HS6ST3: variants seen among roughly 807,000 people sequenced by gnomAD.
HS6ST3 encodes the protein heparan sulfate 6-O-sulfotransferase 3.
HS6ST3 carries 12 observed loss-of-function variants against 36.7 expected under a neutral mutation model. The ratio of observed to expected loss-of-function variants is 0.33; its 90% confidence interval spans 0.21 to 0.53. HS6ST3 has a LOEUF of 0.53. HS6ST3 is among the 20% of genes least tolerant of loss of function. HS6ST3 has a pLI of 0.95. For missense variants in HS6ST3, 584 were observed against 640.9 expected, an observed-to-expected ratio of 0.91 and a Z score of 0.96; for synonymous variants, 240 against 257.5, an observed-to-expected ratio of 0.93 and a Z score of 0.65.
chr13:96,697,154 A>T (rs1042296650), intron 1 of HS6ST3, among the ~76,000 whole-genome samples: 36 of 151,942 alleles, frequency 2.4e-4, no homozygotes, highest in African/African-American at 8.4e-4. Flanking sequence ...TTTTATATAT[A>T]TATATAAAAT....
chr13:96,416,843 C>T (rs1395198030), intron 1 of HS6ST3, among the ~76,000 whole-genome samples: 1 of 151,404 alleles, frequency 6.6e-6, no homozygotes, highest in East Asian at 2.0e-4. Context: ...AGCTCTGCCT[C>T]TCGGGTTCAC....
At chr13:96,515,091 C>T (rs542507798) in intron 1 of HS6ST3, among the ~76,000 whole-genome samples, 2 of 152,330 alleles carry the variant, frequency 1.3e-5, no homozygotes, top group Admixed American at 1.3e-4. Context: ...AAGTAGGAGA[C>T]TTGCAGTTGA....
At chr13:96,774,649 A>C (rs1877344916) in intron 1 of HS6ST3, among the ~76,000 whole-genome samples, 1 of 152,144 alleles carries the variant, frequency 6.6e-6, no homozygotes. Flanking sequence ...ATGAAAAGGA[A>C]TGAACAAAGC....
intron 1 of HS6ST3, among the ~76,000 whole-genome samples, chr13:96,634,575 A>G (rs1185806793): frequency 1.3e-5 from 2 of 152,164 alleles, no homozygotes; most frequent in African/African-American, 4.8e-5. Flanking sequence ...GTATTTGAAG[A>G]CTTGCTTATT....
At chr13:96,565,389 T>C (rs1256603664) in intron 1 of HS6ST3, among the ~76,000 whole-genome samples, 1 of 151,870 alleles carries the variant, frequency 6.6e-6, no homozygotes, top group East Asian at 1.9e-4. Flanking sequence ...CCAAAATAGG[T>C]AGGGTAAAGA....
chr13:96,505,267 C>T (rs936819979), intron 1 of HS6ST3, among the ~76,000 whole-genome samples: 1 of 152,136 alleles, frequency 6.6e-6, no homozygotes, highest in African/African-American at 2.4e-5. Context: ...AACAGGCAGT[C>T]TTCCACTAAA....
chr13:96,469,222 G>A (rs1173666912), intron 1 of HS6ST3, among the ~76,000 whole-genome samples: 1 of 151,908 alleles, frequency 6.6e-6, no homozygotes, highest in Non-Finnish European at 1.5e-5. Context: ...TCTTGCCGGT[G>A]CACCTTAAAT....
chr13:96,428,425 AG>A (rs2055598248), intron 1 of HS6ST3, among the ~76,000 whole-genome samples: 1 of 152,180 alleles, frequency 6.6e-6, no homozygotes, highest in Non-Finnish European at 1.5e-5. Context: ...TGGAGACTGG[AG>A]GTCTGAAATC....
intron 1 of HS6ST3, among the ~76,000 whole-genome samples, chr13:96,216,704 G>A (rs1292469995): frequency 6.6e-6 from 1 of 152,124 alleles, no homozygotes; most frequent in African/African-American, 2.4e-5. Flanking sequence ...CCCAGAGGAA[G>A]CTTGGAGGCT....
chr13:96,290,443 A>C (rs1246399409), intron 1 of HS6ST3, among the ~76,000 whole-genome samples: 1 of 152,198 alleles, frequency 6.6e-6, no homozygotes, highest in Non-Finnish European at 1.5e-5. Flanking sequence ...ACACCCTGAC[A>C]AGGTGAGTGA....
chr13:96,254,432 A>G (rs2054622751), intron 1 of HS6ST3, among the ~76,000 whole-genome samples: 4 of 55,078 alleles, frequency 7.3e-5, no homozygotes, highest in Non-Finnish European at 1.3e-4. Context: ...AAAAAAAAAA[A>G]AAAAAAAAAA....
At chr13:96,342,648 C>A (rs1367838184) in intron 1 of HS6ST3, among the ~76,000 whole-genome samples, 1 of 152,172 alleles carries the variant, frequency 6.6e-6, no homozygotes, top group Non-Finnish European at 1.5e-5. Context: ...TCAACCCAGA[C>A]CTAATATGTT....
chr13:96,816,899 G>T (rs906145090), intron 1 of HS6ST3, among the ~76,000 whole-genome samples: 1 of 152,092 alleles, frequency 6.6e-6, no homozygotes, highest in Non-Finnish European at 1.5e-5. Flanking sequence ...GTGCTAGGTC[G>T]TGTTCTCTCT....
At chr13:96,803,029 T>C (rs1390145960) in intron 1 of HS6ST3, among the ~76,000 whole-genome samples, 1 of 152,158 alleles carries the variant, frequency 6.6e-6, no homozygotes, top group Non-Finnish European at 1.5e-5. Context: ...TGACTCTTCA[T>C]TTTACTTTAT....
At chr13:96,689,931 G>A (rs656520) in intron 1 of HS6ST3, among the ~76,000 whole-genome samples, 149,789 of 152,066 alleles carry the variant, frequency 0.99, 73,812 homozygotes, top group Middle Eastern at 1. Flanking sequence ...GAAGGGGGTA[G>A]AACAAGTAGG....
chr13:96,749,023 C>T (rs1346951341), intron 1 of HS6ST3, among the ~76,000 whole-genome samples: 4 of 152,034 alleles, frequency 2.6e-5, no homozygotes, highest in East Asian at 3.9e-4. Context: ...CCCTCACTGC[C>T]GTCCTTCCAT....
At chr13:96,259,864 CTTGT>C (rs1054420240) in intron 1 of HS6ST3, among the ~76,000 whole-genome samples, 12 of 151,944 alleles carry the variant, frequency 7.9e-5, no homozygotes, top group Admixed American at 2.0e-4. Flanking sequence ...ATTTTTGTTT[CTTGT>C]TTATTTGTTC....
intron 1 of HS6ST3, among the ~76,000 whole-genome samples, chr13:96,565,060 G>A (rs1363284743): frequency 1.3e-5 from 2 of 151,846 alleles, no homozygotes; most frequent in Middle Eastern, 3.2e-3. Context: ...CAAACATGGA[G>A]AGCTCGGGAC....
intron 1 of HS6ST3, among the ~76,000 whole-genome samples, chr13:96,765,059 T>TC (rs1452950740): frequency 7.0e-6 from 1 of 143,784 alleles, no homozygotes; most frequent in Non-Finnish European, 1.5e-5. Flanking sequence ...TTTGTTTCTT[T>TC]CTTTTTTTTT....
Sources: gnomAD v4.1 joint callset for allele counts (sites outside exome capture counted in the v4.1 genomes callset) on GRCh38, gnomAD v4.1.1 for gene constraint, MANE v1.5 for transcripts, NCBI Gene and HGNC (gene_info 2026-07-23, HGNC 2026-07-21) for gene names.